Variants in DMXL1 observed in about 807,000 individuals in gnomAD.
DMXL1 encodes the protein Dmx like 1.
A neutral mutation model predicts 319.2 loss-of-function variants in DMXL1; 99 were observed. The ratio of observed to expected loss-of-function variants is 0.31; its 90% CI spans 0.26 to 0.37. DMXL1 has a LOEUF of 0.37. DMXL1 is among the 10% of genes least tolerant of loss of function. The pLI is 1.00. For synonymous variants in DMXL1, 1,385 were observed against 1,235.2 expected (o/e 1.12, Z -2.54); for missense variants, 3,745 against 3,595.6 (o/e 1.04, Z -1.06).
At chr5:119,117,727 G>A (rs921358256) in intron 7 of DMXL1, among the ~76,000 whole-genome samples, 6 of 152,074 alleles carry the variant, frequency 3.9e-5, no homozygotes, top group Admixed American at 2.6e-4. Context: ...AGGAGAGGGC[G>A]CCAGAGGGAG....
At position 119,164,663 on chromosome 5, in the gene DMXL1, A is replaced by G. The variant is rs1326228491; in HGVS notation, c.4859A>G (p.Lys1620Arg). The change falls in exon 20 of 44, where the codon AAA (lysine) becomes AGA (arginine). Residue 1620 changes from lysine (K) to arginine (R), a missense_variant. Physicochemically the swap from Lys to Arg is conservative, Grantham distance 26. Coordinates refer to ENST00000539542, the MANE Select transcript of DMXL1 (RefSeq NM_001290321.3). ...WWVRNTRILR[K>R]CIEKVAKAAF... ...GTCCGGAATACCCGCATCTTACGCA[A>G]ATGCATAGAAAAAGTAAGTGTTTTA... The G allele has an allele frequency of 6.3e-7, 1 of 1,594,546 alleles. No homozygotes were observed. Among genetic ancestry groups the G allele is most frequent in the East Asian group, 2.2e-5 (1 of 44,560 alleles).
chr5:119,164,503 T>C lies in DMXL1; in HGVS notation c.4703-4T>C, dbSNP rs1283624097. 1 of 1,611,848 alleles carries C rather than the reference T, an allele frequency of 6.2e-7. No homozygotes were observed. Among genetic ancestry groups the C allele is most frequent in the Admixed American group, 1.7e-5 (1 of 59,936 alleles). On this transcript the variant is annotated splice_polypyrimidine_tract_variant and splice_region_variant and intron_variant, in intron 19 of 43. Coordinates refer to ENST00000539542, the MANE Select transcript of DMXL1 (RefSeq NM_001290321.3). ...TATAAACATCATTTTTTACATTTCT[T>C]CAGGCCTGTCTACAAGTCATTTTGC...
rs765253043 is a variant in DMXL1 at position 119,166,609 on chromosome 5, T to A, written c.4971-7T>A. 1 of 1,591,386 alleles carries A rather than the reference T, an allele frequency of 6.3e-7. No homozygotes were observed. The highest frequency in any genetic ancestry group is 2.3e-5 in the East Asian group (1 of 44,192). ...AAAATTTTCACACCATTTTTTTTCC[T>A]TTATAGAGCTGAAAAAAACACCAGG... On this transcript the variant is annotated splice_region_variant and splice_polypyrimidine_tract_variant and intron_variant, in intron 21 of 43. Coordinates refer to ENST00000539542, the MANE Select transcript of DMXL1 (RefSeq NM_001290321.3).
intron 39 of DMXL1, among the ~76,000 whole-genome samples, chr5:119,235,766 G>A (rs1402823403): frequency 1.3e-5 from 2 of 152,168 alleles, no homozygotes; most frequent in East Asian, 1.9e-4. Flanking sequence ...AAATGTCGTT[G>A]GCCTGTCACA....
At chr5:119,166,507 T>G (rs895497601) in intron 21 of DMXL1, 109 bp from the exon 22 acceptor site, 3 of 856,996 alleles carry the variant, frequency 3.5e-6, no homozygotes, top group East Asian at 5.2e-5. Flanking sequence ...AGTTATGAAC[T>G]GGCAGATGTT....
chr5:119,207,594 G>C (rs1041765098), intron 34 of DMXL1, among the ~76,000 whole-genome samples: 1 of 152,098 alleles, frequency 6.6e-6, no homozygotes, highest in Non-Finnish European at 1.5e-5. Flanking sequence ...TCTTGGTTCA[G>C]TGCAACCTCT....
intron 28 of DMXL1, among the ~76,000 whole-genome samples, chr5:119,179,387 C>T (rs1326442587): frequency 6.7e-6 from 1 of 150,342 alleles, no homozygotes; most frequent in Non-Finnish European, 1.5e-5. Context: ...CTTTCATTCA[C>T]TTCTTCCCTG....
At chr5:119,207,104 G>A (rs1781875672) in intron 34 of DMXL1, among the ~76,000 whole-genome samples, 1 of 152,072 alleles carries the variant, frequency 6.6e-6, no homozygotes, top group African/African-American at 2.4e-5. Flanking sequence ...AATTTTAAAG[G>A]GAGTTGAATG....
At position 119,098,017 on chromosome 5, in the gene DMXL1, C is replaced by G. The variant is rs564874423; in HGVS notation, c.126C>G (p.Ser42Arg). The G allele has an allele frequency of 6.2e-7, 1 of 1,606,232 alleles. No homozygotes were observed. Among genetic ancestry groups the G allele is most frequent in the Non-Finnish European group, 8.5e-7 (1 of 1,177,556 alleles). The change falls in exon 2 of 44, where the codon AGC becomes AGG. Residue 42 changes from serine (S) to arginine (R), a missense_variant. By Grantham distance (110) the Ser-to-Arg change is moderately radical. Transcript: ENST00000539542. ...ASGCDIVILG[S>R]DFERLQIIPG... ...GATGTGACATTGTAATACTGGGAAG[C>G]GATTTTGAAAGATTACAGATAATCC...
At chr5:119,187,359 A>AT (rs1455992724) in intron 28 of DMXL1, among the ~76,000 whole-genome samples, 23 of 152,314 alleles carry the variant, frequency 1.5e-4, no homozygotes, top group Admixed American at 2.0e-4. Flanking sequence ...TTGATATTTG[A>AT]TTATTAGCAT....
chr5:119,071,780 C>G (rs1359528448), intron 1 of DMXL1, 124 bp downstream of exon 1: 4 of 818,088 alleles, frequency 4.9e-6, no homozygotes, highest in East Asian at 2.8e-5. Flanking sequence ...TCCTTACCAC[C>G]CAGAACCCAG....
At chr5:119,229,386 T>G (rs1441179442) in intron 38 of DMXL1, among the ~76,000 whole-genome samples, 3 of 152,122 alleles carry the variant, frequency 2.0e-5, no homozygotes, top group Admixed American at 2.0e-4. Flanking sequence ...AATACTCCAG[T>G]AAAACTTTGC....
At chr5:119,128,118 A>C in intron 9 of DMXL1, 1 of 499,484 alleles carries the variant, frequency 2.0e-6, no homozygotes, top group South Asian at 1.5e-5. Context: ...ATGGGATATC[A>C]ACTCTTGTGA....
chr5:119,194,350 T>A (rs936190931), intron 30 of DMXL1, among the ~76,000 whole-genome samples: 24 of 152,174 alleles, frequency 1.6e-4, no homozygotes, highest in Admixed American at 1.4e-3. Context: ...GAAAATATAT[T>A]TTCAGTAGAA....
intron 1 of DMXL1, among the ~76,000 whole-genome samples, chr5:119,093,040 G>A (rs1755142359): frequency 6.6e-6 from 1 of 151,616 alleles, no homozygotes; most frequent in African/African-American, 2.4e-5. Flanking sequence ...TTCCCTTATT[G>A]CACTTCAAGT....
intron 5 of DMXL1, among the ~76,000 whole-genome samples, chr5:119,111,375 T>G (rs925758433): frequency 1.3e-5 from 2 of 152,188 alleles, no homozygotes; most frequent in Non-Finnish European, 2.9e-5. Flanking sequence ...GTGTAAAATA[T>G]CTCTAACATT....
In DMXL1 at chr5:119,178,200, C is replaced by A; in HGVS notation, c.7091C>A (p.Ala2364Glu). 6.2e-7 allele frequency: 1 copy of A among 1,613,832 alleles called. No homozygotes were observed. Residue 2364 changes from alanine to glutamate, a missense_variant, in exon 28 of 44, where the codon GCA becomes GAA. By Grantham distance (107) the Ala-to-Glu change is moderately radical. Around this residue, in one of 4 missense-constraint regions of DMXL1, gnomAD observed 1,382 missense variants for 1,269.5 expected, o/e 1.09. Transcript: ENST00000539542. ...TGGTCTGCTGTGTTTGGTGGAGGTG[C>A]ACATGTTCCTAGCAAAGAACAGACA... ...KMWSAVFGGGAHVPSKEQTHS... is the reference protein window; with the variant it reads ...KMWSAVFGGGEHVPSKEQTHS...
At position 119,115,779 on chromosome 5, in the gene DMXL1, T is replaced by C. The variant is rs147688531; in HGVS notation, c.565-379T>C. 3.4e-3 allele frequency among the ~76,000 whole-genome samples: 517 copies of C among 152,292 alleles called. 3 individuals are homozygous for C. Among genetic ancestry groups the C allele is most frequent in the African/African-American group, 0.012 (509 of 41,556 alleles). On this transcript the variant is annotated intron_variant, in intron 6 of 43. Coordinates refer to ENST00000539542, the MANE Select transcript of DMXL1 (RefSeq NM_001290321.3). Reference sequence around the variant, plus strand: ...CATGAAAATTCATGAAAAGTATCTCTTTTTTTCAATAATTAGCAGTCTTCA... The same window carrying C: ...CATGAAAATTCATGAAAAGTATCTCCTTTTTTCAATAATTAGCAGTCTTCA...
Position 119,098,104 on chromosome 5 carries a change from G to C in DMXL1, c.213G>C (p.Lys71Asn). The C allele has an allele frequency of 6.3e-7, 1 of 1,595,854 alleles. No individual in the cohort carries two copies. The highest frequency in any genetic ancestry group is 8.5e-7 in the Non-Finnish European group (1 of 1,174,994). ...TAGACTGTTCAATGCAACAAGGCAA[G>C]GTTTGTAATCTTCTTCTAATATACA... ...GCVDCSMQQG[K>N]IAASYGNVIS... is the part of the protein sequence containing the mutation. The change falls in exon 2 of 44, where the codon AAG becomes AAC. Residue 71 changes from lysine to asparagine, a missense_variant and splice_region_variant. Physicochemically the swap from Lys to Asn is moderately conservative, Grantham distance 94. This residue lies in a region of DMXL1 where 2,096 missense variants were observed against 1,985.4 expected (regional missense o/e 1.06). Transcript: ENST00000539542.
Sources: gnomAD v4.1 joint callset for allele counts (sites outside exome capture counted in the v4.1 genomes callset) on GRCh38, gnomAD v4.1.1 for gene constraint, gnomAD v4.1.1 regional missense constraint, MANE v1.5 for transcripts, NCBI Gene and HGNC (gene_info 2026-07-23, HGNC 2026-07-21) for gene names.